NRXN3: variants seen among roughly 807,000 people sequenced by gnomAD.
The protein encoded by NRXN3 is neurexin 3, also known as neurexin III.
A neutral mutation model predicts 137.6 loss-of-function variants in NRXN3; 32 were observed. The observed-to-expected ratio is 0.23, with a 90% CI of 0.18 to 0.31. NRXN3 has a LOEUF of 0.31. Among genes scored for constraint, NRXN3 ranks in the 10% least tolerant of loss-of-function variants. NRXN3 has a pLI of 1.00. For missense variants in NRXN3, 1,574 were observed against 2,062.5 expected (o/e 0.76, Z 4.59); for synonymous variants, 798 against 784.5 (o/e 1.02, Z -0.29).
At chr14:78,975,315 C>G (rs962912804) in intron 14 of NRXN3, among the ~76,000 whole-genome samples, 4 of 152,286 alleles carry the variant, frequency 2.6e-5, no homozygotes, top group African/African-American at 9.6e-5. Context: ...AGAGTTTGAG[C>G]TGAGTCTGAA....
intron 15 of NRXN3, among the ~76,000 whole-genome samples, chr14:79,166,307 C>A (rs1421724344): frequency 6.6e-6 from 1 of 151,770 alleles, no homozygotes; most frequent in Non-Finnish European, 1.5e-5. Context: ...GTTTGAGGGT[C>A]AAACCTAATT....
intron 4 of NRXN3, among the ~76,000 whole-genome samples, chr14:78,569,968 C>G (rs1398287278): frequency 6.6e-6 from 1 of 152,240 alleles, no homozygotes; most frequent in African/African-American, 2.4e-5. Flanking sequence ...TGGCACTGGC[C>G]TGGAGAATAA....
chr14:79,639,060 C>T (rs1436435069), intron 16 of NRXN3, among the ~76,000 whole-genome samples: 1 of 152,090 alleles, frequency 6.6e-6, no homozygotes, highest in Non-Finnish European at 1.5e-5. Context: ...CATACACACT[C>T]CCCCAGTTGT....
chr14:79,141,580 A>T (rs1414586426), intron 15 of NRXN3, among the ~76,000 whole-genome samples: 1 of 152,178 alleles, frequency 6.6e-6, no homozygotes, highest in Non-Finnish European at 1.5e-5. Flanking sequence ...AGGATCAGTG[A>T]ACAATATTAT....
intron 16 of NRXN3, among the ~76,000 whole-genome samples, chr14:79,470,111 A>G (rs1212007308): frequency 6.6e-6 from 1 of 152,178 alleles, no homozygotes; most frequent in East Asian, 1.9e-4. Context: ...CTTTGGGGCC[A>G]TTAATGAAAG....
intron 10 of NRXN3, among the ~76,000 whole-genome samples, chr14:78,857,082 T>C (rs1319272999): frequency 6.6e-6 from 1 of 152,134 alleles, no homozygotes; most frequent in African/African-American, 2.4e-5. Context: ...TGTTATGCAA[T>C]GAAAATGTTT....
chr14:78,889,330 A>G (rs2099152575), intron 10 of NRXN3, among the ~76,000 whole-genome samples: 1 of 151,996 alleles, frequency 6.6e-6, no homozygotes, highest in Non-Finnish European at 1.5e-5. Context: ...CTTTCTGTAA[A>G]TGGCTATTGA....
intron 4 of NRXN3, among the ~76,000 whole-genome samples, chr14:78,637,278 TC>T (rs2097575512): frequency 6.6e-6 from 1 of 152,220 alleles, no homozygotes; most frequent in Non-Finnish European, 1.5e-5. Context: ...ATATGCTGTT[TC>T]TTCTAATTAG....
intron 16 of NRXN3, among the ~76,000 whole-genome samples, chr14:79,639,704 C>A (rs1401740018): frequency 6.6e-6 from 1 of 152,166 alleles, no homozygotes; most frequent in African/African-American, 2.4e-5. Context: ...TGCAAAGTAA[C>A]TTTCTGCTGG....
chr14:78,321,789 T>G (rs1224544033), intron 4 of NRXN3, among the ~76,000 whole-genome samples: 1 of 152,094 alleles, frequency 6.6e-6, no homozygotes, highest in East Asian at 1.9e-4. Context: ...CTCCAAGGTC[T>G]CATAGGCTTC....
chr14:78,244,720 C>T (rs911931023), intron 2 of NRXN3, among the ~76,000 whole-genome samples: 3 of 152,214 alleles, frequency 2.0e-5, no homozygotes, highest in Non-Finnish European at 4.4e-5. Context: ...TGAGGTACCT[C>T]TTTAGATGTG....
At chr14:79,162,377 G>A (rs923707731) in intron 15 of NRXN3, among the ~76,000 whole-genome samples, 6 of 149,780 alleles carry the variant, frequency 4.0e-5, no homozygotes, top group African/African-American at 9.9e-5. Context: ...CCACCTGTGA[G>A]TGAGAATATG....
At chr14:79,649,634 T>C (rs1413264100) in intron 16 of NRXN3, among the ~76,000 whole-genome samples, 1 of 152,158 alleles carries the variant, frequency 6.6e-6, no homozygotes, top group Non-Finnish European at 1.5e-5. Context: ...GTCTCTGTCT[T>C]GGCAAAAATT....
chr14:78,745,731 C>G (rs2098604127), intron 8 of NRXN3, among the ~76,000 whole-genome samples: 1 of 152,188 alleles, frequency 6.6e-6, no homozygotes, highest in Non-Finnish European at 1.5e-5. Context: ...GAGAGGGGCA[C>G]TTGGTCAGTC....
At chr14:79,280,799 A>G (rs1159637897) in intron 15 of NRXN3, 1 of 456,684 alleles carries the variant, frequency 2.2e-6, no homozygotes, top group Non-Finnish European at 4.0e-6. Flanking sequence ...AGCTGCACAG[A>G]CACCACACTC....
At chr14:79,057,762 G>C (rs910123824) in intron 15 of NRXN3, among the ~76,000 whole-genome samples, 11 of 152,290 alleles carry the variant, frequency 7.2e-5, no homozygotes, top group African/African-American at 2.4e-4. Flanking sequence ...ACTGCACTGG[G>C]CAGTGAACGG....
chr14:78,812,507 G>T (rs1475141776), intron 10 of NRXN3, among the ~76,000 whole-genome samples: 1 of 152,106 alleles, frequency 6.6e-6, no homozygotes, highest in Non-Finnish European at 1.5e-5. Context: ...ATCAGAATTT[G>T]CTTTTGCTGT....
At chr14:78,370,599 C>T (rs1265238811) in intron 4 of NRXN3, among the ~76,000 whole-genome samples, 1 of 152,160 alleles carries the variant, frequency 6.6e-6, no homozygotes, top group African/African-American at 2.4e-5. Flanking sequence ...TGTCTCTTGA[C>T]TGAATGAATA....
intron 10 of NRXN3, among the ~76,000 whole-genome samples, chr14:78,944,310 G>T (rs2152924665): frequency 6.6e-6 from 1 of 152,268 alleles, no homozygotes; most frequent in Admixed American, 6.5e-5. Flanking sequence ...ATGTGGTCAT[G>T]GGAAATTCCT....
Sources: gnomAD v4.1 joint callset for allele counts (sites outside exome capture counted in the v4.1 genomes callset) on GRCh38, gnomAD v4.1.1 for gene constraint, MANE v1.5 for transcripts, NCBI Gene and HGNC (gene_info 2026-07-23, HGNC 2026-07-21) for gene names.